Variants in CCDC14 observed in about 807,000 individuals in gnomAD.
The protein encoded by CCDC14 is coiled-coil domain-containing protein 14.
CCDC14 carries 71 observed loss-of-function variants against 81.4 expected under a neutral mutation model. That is an observed-to-expected ratio of 0.87 (90% CI 0.72 to 1.06). The LOEUF (loss-of-function observed/expected upper bound fraction) is 1.06. Ranked by LOEUF, CCDC14 falls within the 50% of genes least tolerant of loss-of-function variation. The probability of loss-of-function intolerance (pLI) is 0.00; values close to 1 mark genes in which losing one functional copy is unlikely to be tolerated. For synonymous variants in CCDC14, 332 were observed against 364.8 expected (o/e 0.91, Z 1.03); for missense variants, 1,046 against 1,047.3 (o/e 1.00, Z 0.02).
intron 5 of CCDC14, among the ~76,000 whole-genome samples, chr3:123,950,075 C>G (rs1050202825): frequency 6.6e-6 from 1 of 152,152 alleles, no homozygotes; most frequent in Admixed American, 6.5e-5. Flanking sequence ...ATAGCACTAC[C>G]TATAGATTGG....
At chr3:123,885,183 A>T in the CCDC14 span, among the ~76,000 whole-genome samples, 10 of 152,126 alleles carry the variant, frequency 6.6e-5, no homozygotes, top group African/African-American at 1.9e-4. Flanking sequence ...GAGTGTTTTT[A>T]AAAATTTTTT....
Position 123,961,136 on chromosome 3 carries a change from G to T in CCDC14, c.30+8C>A, listed in dbSNP as rs1256849733. 6.4e-7 allele frequency: 1 copy of T among 1,550,830 alleles called. No homozygotes were observed. Among genetic ancestry groups the T allele is most frequent in the Non-Finnish European group, 8.7e-7 (1 of 1,146,610 alleles). ...CCACAGCGGACTCCTCAGGTCCTCA[G>T]CCCTCACCTGGCCCGGTCGAGCTCC... On this transcript the variant is annotated splice_region_variant and intron_variant, in intron 1 of 12. Coordinates refer to ENST00000409697, the MANE Select transcript of CCDC14 (RefSeq NM_001366335.1).
At chr3:123,891,406 A>G in the CCDC14 span, among the ~76,000 whole-genome samples, 1 of 152,216 alleles carries the variant, frequency 6.6e-6, no homozygotes, top group African/African-American at 2.4e-5. Context: ...TGCCTCCCTT[A>G]TAAAACTGAA....
At chr3:123,925,909 T>C (rs901870424) in intron 12 of CCDC14, among the ~76,000 whole-genome samples, 7 of 152,224 alleles carry the variant, frequency 4.6e-5, no homozygotes, top group South Asian at 2.1e-4. Context: ...GTTAAAATGG[T>C]ATTAATTTGT....
chr3:123,946,232 C>T (rs2036615898), intron 8 of CCDC14, among the ~76,000 whole-genome samples: 2 of 150,312 alleles, frequency 1.3e-5, no homozygotes, highest in Admixed American at 6.6e-5. Context: ...TCATTTCAAG[C>T]AAAAGCCATT....
rs1320617904 is a variant in CCDC14, at chr3:123,933,651, T to A, written c.1426+22A>T. The A allele has an allele frequency of 2.7e-6, 4 of 1,500,822 alleles. No homozygotes were observed. The Admixed American group carries it at 5.9e-5, about 22-fold the overall frequency. 93.0% of individuals were successfully genotyped at this position (1,500,822 alleles called of 1,614,324 possible). On this transcript the variant is annotated intron_variant, in intron 10 of 12. Coordinates refer to ENST00000409697, the MANE Select transcript of CCDC14 (RefSeq NM_001366335.1). ...TCCGGAGCCACAAATAATTTATCAA[T>A]CCTTAAAGTTCTTTTACCTACATTC...
Position 123,934,633 on chromosome 3 carries a change from T to C in CCDC14, c.1344-878A>G, listed in dbSNP as rs138136262. ...ACAAATCTGCCCTGTTACAATGAACTTCACAATATGTATCTGCTTCACAAA... is the reference window on the plus strand; with the variant it reads ...ACAAATCTGCCCTGTTACAATGAACCTCACAATATGTATCTGCTTCACAAA... On this transcript the variant is annotated intron_variant, in intron 9 of 12. Transcript: ENST00000409697. Among the ~76,000 whole-genome samples, 495 of 152,318 alleles carry C rather than the reference T, an allele frequency of 3.2e-3. 1 individual carries two copies. The highest frequency in any genetic ancestry group is 4.9e-3 in the Non-Finnish European group (331 of 68,022).
chr3:123,905,323 T>C (rs1326679261), intron 5 of CCDC14, among the ~76,000 whole-genome samples: 1 of 152,128 alleles, frequency 6.6e-6, no homozygotes, highest in Non-Finnish European at 1.5e-5. Context: ...CTCCCTTCAT[T>C]TTTCTTCTCC....
intron 5 of CCDC14, among the ~76,000 whole-genome samples, chr3:123,905,816 C>T (rs991587743): frequency 6.6e-6 from 1 of 152,058 alleles, no homozygotes; most frequent in South Asian, 2.1e-4. Flanking sequence ...GCTTAACAGT[C>T]CATGCTAAAG....
chr3:123,927,878 T>G (rs1302040366), intron 12 of CCDC14, among the ~76,000 whole-genome samples: 1 of 152,126 alleles, frequency 6.6e-6, no homozygotes, highest in African/African-American at 2.4e-5. Context: ...TTTGAAAGAA[T>G]GAGCAGGTAC....
At position 123,931,122 on chromosome 3, in the gene CCDC14, A is replaced by G; in HGVS notation, c.1758T>C (p.Thr586=). The stretch of plus-strand genomic sequence containing the variant: ...TTTACCTGGTTAATTCTCTTAGTCG[A>G]GTCACCTCAGCATCACGCTGACGTA... The part of the protein sequence containing the change: ...ITLRQRDAEV[T]RLRELTRTLQ... Residue 586 remains threonine, a synonymous_variant, in exon 12 of 13, where the codon ACT becomes ACC. Coordinates refer to ENST00000409697, the MANE Select transcript of CCDC14 (RefSeq NM_001366335.1). 6.3e-7 allele frequency: 1 copy of G among 1,590,748 alleles called. No individual in the cohort carries two copies. The highest frequency in any genetic ancestry group is 1.2e-5 in the South Asian group (1 of 85,686).
At chr3:123,897,132 T>C (rs1391699839), downstream of CCDC14, among the ~76,000 whole-genome samples, 1 of 152,022 alleles carries the variant, frequency 6.6e-6, no homozygotes, top group Non-Finnish European at 1.5e-5. Flanking sequence ...TTCCAAAATC[T>C]GAAAAAAGTT....
At chr3:123,943,136 G>A (rs905025995) in intron 9 of CCDC14, among the ~76,000 whole-genome samples, 12 of 151,542 alleles carry the variant, frequency 7.9e-5, no homozygotes, top group Admixed American at 1.3e-4. Flanking sequence ...ATATATATAC[G>A]TATATATACA....
intron 9 of CCDC14, among the ~76,000 whole-genome samples, chr3:123,940,792 A>C (rs1408704955): frequency 1.3e-5 from 2 of 152,000 alleles, no homozygotes; most frequent in Non-Finnish European, 2.9e-5. Context: ...TCCCGAGTCT[A>C]CATTTCCATC....
At chr3:123,955,027 C>T (rs898064874) in intron 5 of CCDC14, 7 of 152,072 alleles carry the variant, frequency 4.6e-5, no homozygotes, top group African/African-American at 1.7e-4. Flanking sequence ...ACCTCTAGTC[C>T]CATGAATGCT....
intron 12 of CCDC14, among the ~76,000 whole-genome samples, chr3:123,927,339 C>T (rs1466277484): frequency 6.6e-6 from 1 of 151,836 alleles, no homozygotes; most frequent in Non-Finnish European, 1.5e-5. Context: ...ATTGCATGAG[C>T]CAGGGAGGTT....
intron 12 of CCDC14, among the ~76,000 whole-genome samples, chr3:123,918,264 CT>C (rs1415983763): frequency 6.6e-6 from 1 of 152,194 alleles, no homozygotes; most frequent in East Asian, 1.9e-4. Context: ...CTTAAACACA[CT>C]GTATTTTGAC....
At chr3:123,927,907 GGTA>G (rs980027176) in intron 12 of CCDC14, among the ~76,000 whole-genome samples, 7 of 152,108 alleles carry the variant, frequency 4.6e-5, no homozygotes, top group African/African-American at 1.4e-4. Context: ...CTCCTACACA[GGTA>G]GAAGAATCCC....
rs781183266 is a variant in CCDC14, at chr3:123,949,147, GA to G, written c.353-16del. The G allele has an allele frequency of 6.7e-7, 1 of 1,491,822 alleles. No homozygotes were observed. Among genetic ancestry groups the G allele is most frequent in the East Asian group, 2.3e-5 (1 of 43,200 alleles). The allele number at this position is 1,491,822 out of a possible 1,614,324, so 92.4% of individuals were successfully genotyped here. A position where few individuals can be genotyped will look rare whatever the true frequency, so the allele number is the denominator to read the frequency against. On this transcript the variant is annotated splice_polypyrimidine_tract_variant and intron_variant, in intron 5 of 12. Transcript: ENST00000409697. The stretch of plus-strand genomic sequence containing the variant: ...ATCTGAAGATGCTAATGTGGAAGAA[GA>G]AAAAAGTTCTTGAAATATGATTCTT...
Sources: allele counts gnomAD v4.1 joint callset (sites outside exome capture counted in the v4.1 genomes callset), GRCh38; gene constraint gnomAD v4.1.1; transcripts MANE v1.5; gene names NCBI Gene and HGNC (gene_info 2026-07-23, HGNC 2026-07-21).